Variants in OR7A5 observed in about 807,000 individuals in gnomAD.
The protein encoded by OR7A5 is olfactory receptor family 7 subfamily A member 5.
For synonymous variants in OR7A5, 140 were observed against 146.7 expected (o/e 0.95, Z 0.33); for missense variants, 319 against 377.9 (o/e 0.84, Z 1.29).
Position 14,826,407 on chromosome 19 carries a change from C to T in OR7A5, c.*875G>A, listed in dbSNP as rs960908511. The T allele has an allele frequency of 3.3e-5, 5 of 152,068 alleles. No individual in the cohort carries two copies. Among genetic ancestry groups the T allele is most frequent in the African/African-American group, 9.7e-5 (4 of 41,406 alleles). The allele number at this position is 152,068 out of a possible 1,614,324, so 9.4% of individuals were successfully genotyped here. A position where few individuals can be genotyped will look rare whatever the true frequency, so the allele number is the denominator to read the frequency against. ...TTTTGGTTAGTGGGATAGAAGGATTCGTATTTGTAGGGAGCACTAAAAATT... is the reference window on the plus strand; with the variant it reads ...TTTTGGTTAGTGGGATAGAAGGATTTGTATTTGTAGGGAGCACTAAAAATT... On this transcript the variant is annotated 3_prime_UTR_variant, in exon 2 of 2. Transcript: ENST00000322301.
At chr19:14,829,695 G>A (rs1052793229) in intron 1 of OR7A5, among the ~76,000 whole-genome samples, 27 of 152,220 alleles carry the variant, frequency 1.8e-4, no homozygotes, top group Admixed American at 1.7e-3. Flanking sequence ...AACTGGACTA[G>A]AAAGGTGTCA....
chr19:14,833,259 A>G (rs1031121046), intron 1 of OR7A5, among the ~76,000 whole-genome samples: 3 of 152,252 alleles, frequency 2.0e-5, no homozygotes, highest in African/African-American at 7.2e-5. Context: ...TGGGTGGATC[A>G]CTTGAGGTCG....
At chr19:14,828,289 A>G (rs2044795344) in intron 1 of OR7A5, 35 bp from the exon 2 acceptor site, 1 of 1,559,014 alleles carries the variant, frequency 6.4e-7, no homozygotes, top group East Asian at 2.3e-5. Context: ...GGGAAACGAG[A>G]CAGGCATGCA....
rs777840010 is a variant in OR7A5 at position 14,828,218 on chromosome 19, T to A, written c.24A>T (p.Gln8His). The A allele has an allele frequency of 1.2e-5, 19 of 1,611,986 alleles. No homozygotes were observed. The highest frequency in any genetic ancestry group is 6.7e-5 in the Admixed American group (4 of 59,910). ...ATCCCAGAAGAAGAAATTCTGAAAT[T>A]TGTGTATCATTTCCTGGTTCCATTT... is the stretch of plus-strand genomic sequence containing the variant. MEPGNDT[Q>H]ISEFLLLGFS... is the part of the protein sequence containing the mutation. The change falls in exon 2 of 2, where the codon CAA becomes CAT. Residue 8 changes from glutamine to histidine, a missense_variant. By Grantham distance (24) the Gln-to-His change is conservative. Coordinates refer to ENST00000322301, the MANE Select transcript of OR7A5 (RefSeq NM_017506.2).
chr19:14,828,758 C>CAAAAAAAAAAAA (rs58983718), intron 1 of OR7A5, among the ~76,000 whole-genome samples: 8 of 35,154 alleles, frequency 2.3e-4, no homozygotes, highest in African/African-American at 7.4e-4. Context: ...GACTCCATCT[C>CAAAAAAAAAAAA]AAAAAAAAAA....
intron 1 of OR7A5, among the ~76,000 whole-genome samples, chr19:14,833,152 T>C (rs2044850294): frequency 6.6e-6 from 1 of 152,294 alleles, no homozygotes; most frequent in African/African-American, 2.4e-5. Context: ...GTCACCTACC[T>C]CACACATCTT....
chr19:14,827,487 T>C lies in OR7A5; in HGVS notation c.755A>G (p.Tyr252Cys), dbSNP rs768381249. 6.2e-6 allele frequency: 10 copies of C among 1,613,992 alleles called. No homozygotes were observed. The Admixed American group carries it at 1.2e-4, about 19-fold the overall frequency. The stretch of plus-strand genomic sequence containing the variant: ...AAGGTACACCCCTAGGATTGCACCA[T>C]AAAATAAGGAGACAACTGAGAGGTG... ...ASHLSVVSLF[Y>C]GAILGVYLSS... The change falls in exon 2 of 2, where the codon TAT becomes TGT. Residue 252 changes from tyrosine (Y) to cysteine (C), a missense_variant. By Grantham distance (194) the Tyr-to-Cys change is radical. Transcript: ENST00000322301.
intron 1 of OR7A5, among the ~76,000 whole-genome samples, chr19:14,832,472 C>G (rs2044842978): frequency 6.8e-6 from 1 of 147,320 alleles, no homozygotes; most frequent in Non-Finnish European, 1.5e-5. Context: ...TGTCACCAGG[C>G]TGGAGTGCAG....
chr19:14,833,465 C>T (rs1339809438), intron 1 of OR7A5, among the ~76,000 whole-genome samples: 2 of 152,106 alleles, frequency 1.3e-5, no homozygotes, highest in East Asian at 1.9e-4. Flanking sequence ...GTTGACAGGG[C>T]GAGACTCCGT....
At chr19:14,829,042 G>GT (rs1248181141) in intron 1 of OR7A5, among the ~76,000 whole-genome samples, 10 of 152,118 alleles carry the variant, frequency 6.6e-5, no homozygotes, top group Admixed American at 3.3e-4. Context: ...TGTTTCTTTT[G>GT]TTTTTTGTTT....
In OR7A5 at chr19:14,827,998, G is replaced by A; in HGVS notation, c.244C>T (p.Leu82=). 1 of 1,614,192 alleles carries A rather than the reference G, an allele frequency of 6.2e-7. No homozygotes were observed. The highest frequency in any genetic ancestry group is 8.5e-7 in the Non-Finnish European group (1 of 1,180,038). ...CVTSTTIPKM[L]MNIQTQNKVI... ...TTGTTCTGTGTCTGGATGTTCATCA[G>A]CATTTTTGGAATGGTGGTGGAAGTA... The change falls in exon 2 of 2, where the codon CTG becomes TTG. Residue 82 remains leucine, a synonymous_variant. Transcript: ENST00000322301.
intron 1 of OR7A5, among the ~76,000 whole-genome samples, chr19:14,829,857 T>A (rs1029996359): frequency 6.6e-6 from 1 of 152,054 alleles, no homozygotes; most frequent in African/African-American, 2.4e-5. Context: ...AGCCACACAC[T>A]CACTCACACA....
intron 1 of OR7A5, among the ~76,000 whole-genome samples, chr19:14,833,312 C>T (rs1455649894): frequency 1.3e-5 from 2 of 152,230 alleles, no homozygotes; most frequent in Non-Finnish European, 2.9e-5. Flanking sequence ...AACGCCATCT[C>T]TACCAAAAAT....
chr19:14,833,684 A>C (rs2044856171), intron 1 of OR7A5, among the ~76,000 whole-genome samples: 1 of 152,220 alleles, frequency 6.6e-6, no homozygotes, highest in Non-Finnish European at 1.5e-5. Context: ...AAATAATTTT[A>C]AACGCTGGTA....
intron 1 of OR7A5, among the ~76,000 whole-genome samples, chr19:14,834,272 T>C (rs995147553): frequency 2.0e-5 from 3 of 152,042 alleles, no homozygotes; most frequent in African/African-American, 7.2e-5. Flanking sequence ...AGAGTGAGGC[T>C]CTGTCTCAAA....
At chr19:14,833,463 G>A (rs1022171502) in intron 1 of OR7A5, among the ~76,000 whole-genome samples, 1 of 152,168 alleles carries the variant, frequency 6.6e-6, no homozygotes, top group Non-Finnish European at 1.5e-5. Flanking sequence ...TGGTTGACAG[G>A]GCGAGACTCC....
At chr19:14,831,319 C>A (rs940686983) in intron 1 of OR7A5, among the ~76,000 whole-genome samples, 1 of 152,180 alleles carries the variant, frequency 6.6e-6, no homozygotes, top group Non-Finnish European at 1.5e-5. Flanking sequence ...GTAAAAGACT[C>A]ATTTTTTTCT....
Position 14,827,513 on chromosome 19 carries a change from A to G in OR7A5, c.729T>C (p.Ser243=). ...AAAATAAGGAGACAACTGAGAGGTG[A>G]GATGCACAGGTGGAAAATGCCTTGT... is the stretch of plus-strand genomic sequence containing the variant. ...GKYKAFSTCA[S]HLSVVSLFYG... Residue 243 remains serine, a synonymous_variant, in exon 2 of 2, where the codon TCT becomes TCC. Coordinates refer to ENST00000322301, the MANE Select transcript of OR7A5 (RefSeq NM_017506.2). 6.2e-7 allele frequency: 1 copy of G among 1,614,150 alleles called. No individual in the cohort carries two copies.
rs781101283 is a variant in OR7A5 at position 14,826,606 on chromosome 19, C to T, written c.*676G>A. ...ATTCAATGTATGATTGACAATTTTACTCCATCATATTTAAGGTCATCTCTG... is the reference window on the plus strand; with the variant it reads ...ATTCAATGTATGATTGACAATTTTATTCCATCATATTTAAGGTCATCTCTG... On this transcript the variant is annotated 3_prime_UTR_variant, in exon 2 of 2. Coordinates refer to ENST00000322301, the MANE Select transcript of OR7A5 (RefSeq NM_017506.2). 2.0e-5 allele frequency: 3 copies of T among 152,150 alleles called. No individual in the cohort carries two copies. The highest frequency in any genetic ancestry group is 4.4e-5 in the Non-Finnish European group (3 of 68,042). 9.4% of individuals were successfully genotyped at this position (152,150 alleles called of 1,614,324 possible).
Sources: gnomAD v4.1 joint callset for allele counts (sites outside exome capture counted in the v4.1 genomes callset) on GRCh38, gnomAD v4.1.1 for gene constraint, MANE v1.5 for transcripts, NCBI Gene and HGNC (gene_info 2026-07-23, HGNC 2026-07-21) for gene names.